The following PID1 variants were observed in gnomAD, a reference collection of about 807,000 sequenced individuals.
The protein encoded by PID1 is PTB-containing, cubilin and LRP1-interacting protein.
Under a neutral mutation model 19.1 loss-of-function variants are expected in PID1, and 10 were observed. The ratio of observed to expected loss-of-function variants is 0.52; its 90% CI spans 0.32 to 0.89. The LOEUF is 0.89. PID1 is among the 40% of genes least tolerant of loss of function. The pLI is 0.03. For missense variants in PID1, 248 were observed against 285.3 expected (o/e 0.87, Z 0.94); for synonymous variants, 130 against 116.0 (o/e 1.12, Z -0.78).
intron 1 of PID1, among the ~76,000 whole-genome samples, chr2:229,206,741 G>A (rs1199696675): frequency 6.6e-6 from 1 of 152,198 alleles, no homozygotes; most frequent in African/African-American, 2.4e-5. Context: ...CAAGGCTCAT[G>A]CTCTGTCAAC....
intron 1 of PID1, among the ~76,000 whole-genome samples, chr2:229,195,950 C>T (rs1372821856): frequency 1.3e-5 from 2 of 151,942 alleles, no homozygotes; most frequent in Non-Finnish European, 2.9e-5. Context: ...ATGTATTAAA[C>T]GATGCAAACT....
At chr2:229,135,364 A>T (rs779134314) in intron 2 of PID1, among the ~76,000 whole-genome samples, 3 of 152,218 alleles carry the variant, frequency 2.0e-5, no homozygotes, top group Non-Finnish European at 4.4e-5. Context: ...CCTTGAAAGT[A>T]TTATGCTAAG....
chr2:229,181,012 A>C (rs1184730104), intron 1 of PID1, among the ~76,000 whole-genome samples: 1 of 152,256 alleles, frequency 6.6e-6, no homozygotes, highest in Admixed American at 6.5e-5. Flanking sequence ...CAAAGAAAAG[A>C]GAACTCTCCC....
At chr2:229,106,262 C>G (rs1695177991) in intron 2 of PID1, among the ~76,000 whole-genome samples, 1 of 152,066 alleles carries the variant, frequency 6.6e-6, no homozygotes, top group Non-Finnish European at 1.5e-5. Context: ...TCATAAAAAT[C>G]CAGTAACTAT....
chr2:229,119,930 T>C (rs927495807), intron 2 of PID1, among the ~76,000 whole-genome samples: 1 of 152,084 alleles, frequency 6.6e-6, no homozygotes, highest in Non-Finnish European at 1.5e-5. Context: ...ATCTATATTC[T>C]CCTGCCTGTG....
At chr2:229,102,850 C>G (rs1359277150) in intron 2 of PID1, among the ~76,000 whole-genome samples, 1 of 152,180 alleles carries the variant, frequency 6.6e-6, no homozygotes, top group Non-Finnish European at 1.5e-5. Flanking sequence ...TGCGGCTCAT[C>G]ACCCAGGACA....
chr2:229,036,797 G>C (rs1693674079), intron 2 of PID1, among the ~76,000 whole-genome samples: 1 of 152,278 alleles, frequency 6.6e-6, no homozygotes. Flanking sequence ...GGATCTAGCT[G>C]TCCCATGGCT....
chr2:229,153,826 G>A (rs1018764302), intron 2 of PID1, among the ~76,000 whole-genome samples: 23 of 151,910 alleles, frequency 1.5e-4, no homozygotes, highest in Non-Finnish European at 2.2e-4. Flanking sequence ...TGCCCTTCCC[G>A]TTTTAAACAT....
intron 2 of PID1, among the ~76,000 whole-genome samples, chr2:229,086,603 T>C (rs1445148081): frequency 6.6e-6 from 1 of 152,148 alleles, no homozygotes; most frequent in Non-Finnish European, 1.5e-5. Context: ...TAATTGCTGA[T>C]GCATCCAAAC....
chr2:229,091,606 A>C (rs1457580558), intron 2 of PID1, among the ~76,000 whole-genome samples: 1 of 152,154 alleles, frequency 6.6e-6, no homozygotes, highest in East Asian at 1.9e-4. Context: ...TGTCACCGCA[A>C]AAAGACAACA....
intron 1 of PID1, among the ~76,000 whole-genome samples, chr2:229,269,822 G>A (rs1690688194): frequency 6.6e-6 from 1 of 152,140 alleles, no homozygotes. Flanking sequence ...GAGACCCTGG[G>A]GAACTGGTCT....
chr2:229,238,913 T>C (rs1689795027), intron 1 of PID1, among the ~76,000 whole-genome samples: 1 of 152,100 alleles, frequency 6.6e-6, no homozygotes, highest in African/African-American at 2.4e-5. Flanking sequence ...GCATTAGTAA[T>C]GACCTCAAGA....
intron 1 of PID1, among the ~76,000 whole-genome samples, chr2:229,192,480 T>C (rs1266734410): frequency 6.6e-6 from 1 of 152,178 alleles, no homozygotes; most frequent in African/African-American, 2.4e-5. Flanking sequence ...CTATAAAATT[T>C]ATTTTGGAAC....
At chr2:229,132,984 T>A (rs997030381) in intron 2 of PID1, among the ~76,000 whole-genome samples, 7 of 152,220 alleles carry the variant, frequency 4.6e-5, no homozygotes, top group Admixed American at 2.0e-4. Context: ...TGCTTTAATT[T>A]TTTTTTAACC....
chr2:229,067,797 G>A (rs1284648410), intron 2 of PID1, among the ~76,000 whole-genome samples: 2 of 152,148 alleles, frequency 1.3e-5, no homozygotes, highest in Non-Finnish European at 2.9e-5. Context: ...AAGCTCTGTG[G>A]TGCTCTCCCA....
At chr2:229,132,663 C>T (rs1689768186) in intron 2 of PID1, among the ~76,000 whole-genome samples, 1 of 152,194 alleles carries the variant, frequency 6.6e-6, no homozygotes, top group African/African-American at 2.4e-5. Context: ...TAACATATTA[C>T]ACAGAGGCAT....
At chr2:229,191,714 T>C (rs568441143) in intron 1 of PID1, among the ~76,000 whole-genome samples, 220 of 152,328 alleles carry the variant, frequency 1.4e-3, no homozygotes, top group Non-Finnish European at 1.9e-3. Context: ...ATCAGCACTC[T>C]TAAATTGGAT....
intron 1 of PID1, among the ~76,000 whole-genome samples, chr2:229,196,285 A>G (rs1691377159): frequency 6.6e-6 from 1 of 152,086 alleles, no homozygotes; most frequent in Admixed American, 6.6e-5. Flanking sequence ...GTTAACCTTG[A>G]TAAAAGAAAT....
intron 2 of PID1, among the ~76,000 whole-genome samples, chr2:229,104,952 C>T (rs1322827660): frequency 1.3e-5 from 2 of 152,144 alleles, no homozygotes; most frequent in Non-Finnish European, 2.9e-5. Context: ...AAAATACAGA[C>T]AGACACAGAC....
Sources: gnomAD v4.1 joint callset for allele counts (sites outside exome capture counted in the v4.1 genomes callset) on GRCh38, gnomAD v4.1.1 for gene constraint, MANE v1.5 for transcripts, NCBI Gene and HGNC (gene_info 2026-07-23, HGNC 2026-07-21) for gene names.